Variants in TMEM254 observed in about 807,000 individuals in gnomAD.
The protein encoded by TMEM254 is transmembrane protein 254.
In TMEM254, 16 loss-of-function variants were observed where a neutral mutation model predicts 13.9. That is an observed-to-expected ratio of 1.15 (90% CI 0.78 to 1.75). The LOEUF (loss-of-function observed/expected upper bound fraction) is 1.75. Ranked by LOEUF, TMEM254 falls within the 40% of genes most tolerant of loss-of-function variation. The probability of loss-of-function intolerance (pLI) is 0.00; values close to 1 mark genes in which losing one functional copy is unlikely to be tolerated. For synonymous variants in TMEM254, 61 were observed against 56.4 expected, an observed-to-expected ratio of 1.08 and a Z score of -0.36; for missense variants, 155 against 149.0, an observed-to-expected ratio of 1.04 and a Z score of -0.21.
intron 3 of TMEM254, among the ~76,000 whole-genome samples, chr10:80,089,180 CT>C (rs1424240778): frequency 6.6e-6 from 1 of 151,790 alleles, no homozygotes; most frequent in East Asian, 1.9e-4. Flanking sequence ...TTCTGTATAC[CT>C]TTTATTTATG....
At chr10:80,085,109 C>T (rs1432974740) in intron 3 of TMEM254, among the ~76,000 whole-genome samples, 5 of 152,108 alleles carry the variant, frequency 3.3e-5, no homozygotes, top group Non-Finnish European at 7.4e-5. Context: ...CGTGAGCCAC[C>T]GCACCCGGCC....
chr10:80,082,694 A>C (rs903917803), intron 3 of TMEM254, among the ~76,000 whole-genome samples: 3 of 152,202 alleles, frequency 2.0e-5, no homozygotes, highest in Non-Finnish European at 2.9e-5. Flanking sequence ...TCCACAGATA[A>C]TTCTAGGATG....
rs547886045 is a variant in TMEM254 at position 80,090,716 on chromosome 10, A to AT, written c.252-81_252-80insT. The AT allele has an allele frequency of 8.6e-4, 1,152 of 1,339,552 alleles. 1 individual carries two copies. Among genetic ancestry groups the AT allele is most frequent in the Non-Finnish European group, 1.0e-3 (1,013 of 987,510 alleles). 83.0% of individuals were successfully genotyped at this position (1,339,552 alleles called of 1,614,324 possible). On this transcript the variant is annotated intron_variant, in intron 3 of 3. Transcript: ENST00000372281. ...AAGTAGTGGAAGGTATAATTTAAAAAATATATATATAGAAGACAATAACTC... is the reference window on the plus strand; with the variant it reads ...AAGTAGTGGAAGGTATAATTTAAAAATATATATATATAGAAGACAATAACTC...
chr10:80,083,250 C>G (rs1158218373), intron 3 of TMEM254, among the ~76,000 whole-genome samples: 1 of 151,844 alleles, frequency 6.6e-6, no homozygotes, highest in Non-Finnish European at 1.5e-5. Flanking sequence ...ATTACAGAAG[C>G]CCACCACCAT....
intron 3 of TMEM254, among the ~76,000 whole-genome samples, chr10:80,083,466 T>G (rs9664198): frequency 2.0e-5 from 3 of 152,082 alleles, no homozygotes; most frequent in African/African-American, 7.2e-5. Flanking sequence ...TTCTCACCCC[T>G]CTCCAAGTAA....
intron 3 of TMEM254, 113 bp downstream of exon 3, chr10:80,082,317 G>C: frequency 7.9e-7 from 1 of 1,271,768 alleles, no homozygotes; most frequent in Admixed American, 1.9e-5. Context: ...TCTCAGGGTA[G>C]AGCGGAATCC....
intron 1 of TMEM254, chr10:80,079,102 C>T: frequency 7.2e-7 from 1 of 1,388,922 alleles, no homozygotes; most frequent in East Asian, 3.9e-5. Flanking sequence ...AAGTCGGAGG[C>T]CAGCAATGCG....
chr10:80,086,736 G>T (rs1407000858), intron 3 of TMEM254, among the ~76,000 whole-genome samples: 2 of 151,530 alleles, frequency 1.3e-5, no homozygotes, highest in Non-Finnish European at 2.9e-5. Flanking sequence ...AGCTACTCAG[G>T]AGGCTGAGGC....
Position 80,082,905 on chromosome 10 carries a change from GAATT to G in TMEM254, c.251+706_251+709del, listed in dbSNP as rs1172504502. Among the ~76,000 whole-genome samples the G allele has an allele frequency of 2.0e-5, 3 of 152,074 alleles. No individual in the cohort carries two copies. The East Asian group carries it at 5.8e-4, about 29-fold the overall frequency. On this transcript the variant is annotated intron_variant, in intron 3 of 3. Coordinates refer to ENST00000372281, the MANE Select transcript of TMEM254 (RefSeq NM_025125.4). ...TTTCTGGTCAAGATAATAATTAATT[GAATT>G]AATTTCTGGTCAAGATATACTATCA... is the stretch of plus-strand genomic sequence containing the variant.
intron 3 of TMEM254, 51 bp downstream of exon 3, chr10:80,082,255 A>G: frequency 6.3e-7 from 1 of 1,591,506 alleles, no homozygotes; most frequent in African/African-American, 1.3e-5. Context: ...AGCTAATATA[A>G]ATTGAGAGCA....
Position 80,091,327 on chromosome 10 carries a change from T to C in TMEM254, c.*410T>C, listed in dbSNP as rs1249113395. The C allele has an allele frequency of 6.4e-6, 1 of 155,452 alleles. No individual in the cohort carries two copies. Among genetic ancestry groups the C allele is most frequent in the African/African-American group, 2.4e-5 (1 of 41,514 alleles). 9.6% of individuals were successfully genotyped at this position (155,452 alleles called of 1,614,324 possible). ...CCATCTTTCCTCTCCTTTCCAAAGC[T>C]CTTTCCACCTTGCTGCACTAAGATA... On this transcript the variant is annotated 3_prime_UTR_variant, in exon 4 of 4. Coordinates refer to ENST00000372281, the MANE Select transcript of TMEM254 (RefSeq NM_025125.4).
In TMEM254 at chr10:80,079,186, T is replaced by C. The variant is rs1048805365; in HGVS notation, c.87+400T>C. 9.9e-6 allele frequency: 12 copies of C among 1,214,288 alleles called. No homozygotes were observed. The African/African-American group carries it at 2.2e-4, about 22-fold the overall frequency. 75.2% of individuals were successfully genotyped at this position (1,214,288 alleles called of 1,614,324 possible). A position where few individuals can be genotyped will look rare whatever the true frequency, so the allele number is the denominator to read the frequency against. The stretch of plus-strand genomic sequence containing the variant: ...GTCCTGGGGCTGGGCTACTTCGCGG[T>C]GAGGCGTGGGGTGGGGCGGGGCGGG... On this transcript the variant is annotated intron_variant, in intron 1 of 3. Transcript: ENST00000372281.
chr10:80,082,322 G>A, intron 3 of TMEM254, 118 bp downstream of exon 3: 1 of 1,173,984 alleles, frequency 8.5e-7, no homozygotes, highest in Non-Finnish European at 1.2e-6. Context: ...GGGTAGAGCG[G>A]AATCCCCATG....
At chr10:80,090,559 TAGAC>T (rs1844532289) in intron 3 of TMEM254, 1 of 647,654 alleles carries the variant, frequency 1.5e-6, no homozygotes, top group Non-Finnish European at 2.8e-6. Flanking sequence ...TACTGTGCCC[TAGAC>T]AGTAGCCAGA....
chr10:80,089,741 C>T (rs193007866), intron 3 of TMEM254, among the ~76,000 whole-genome samples: 22 of 152,080 alleles, frequency 1.4e-4, no homozygotes, highest in African/African-American at 4.6e-4. Flanking sequence ...TGGTGGCTCA[C>T]GCCTGTAATA....
chr10:80,080,922 A>C (rs955877603), intron 1 of TMEM254, among the ~76,000 whole-genome samples: 1 of 152,202 alleles, frequency 6.6e-6, no homozygotes, highest in African/African-American at 2.4e-5. Context: ...TGTATTAAAA[A>C]TACAAAAATT....
At chr10:80,083,437 A>G (rs1374991532) in intron 3 of TMEM254, among the ~76,000 whole-genome samples, 1 of 152,124 alleles carries the variant, frequency 6.6e-6, no homozygotes, top group Non-Finnish European at 1.5e-5. Context: ...GAGGAGCAGA[A>G]AGTAACTTTA....
chr10:80,091,090 G>A lies in TMEM254; in HGVS notation c.*173G>A. 1.4e-6 allele frequency: 1 copy of A among 708,594 alleles called. No homozygotes were observed. Among genetic ancestry groups the A allele is most frequent in the South Asian group, 2.3e-5 (1 of 44,344 alleles). 43.9% of individuals were successfully genotyped at this position (708,594 alleles called of 1,614,324 possible). ...TTTTTCTCTTATATGCTCTGGTTGA[G>A]CTTGAATAGACCAGTTGTTACTTAA... On this transcript the variant is annotated 3_prime_UTR_variant, in exon 4 of 4. Transcript: ENST00000372281.
intron 1 of TMEM254, chr10:80,081,616 C>A: frequency 1.4e-6 from 2 of 1,424,884 alleles, no homozygotes; most frequent in South Asian, 2.6e-5. Context: ...TGCAGTGAGT[C>A]ATGATCATGC....
Sources: allele counts gnomAD v4.1 joint callset (sites outside exome capture counted in the v4.1 genomes callset), GRCh38; gene constraint gnomAD v4.1.1; transcripts MANE v1.5; gene names NCBI Gene and HGNC (gene_info 2026-07-23, HGNC 2026-07-21).